SYNRG: variants seen among roughly 807,000 people sequenced by gnomAD.
The protein encoded by SYNRG is AP1 gamma subunit binding protein 1.
In SYNRG, 37 loss-of-function variants were observed where a neutral mutation model predicts 130.9. That is an observed-to-expected ratio of 0.28 (90% confidence interval 0.22 to 0.37). The LOEUF (loss-of-function observed/expected upper bound fraction) is 0.37. Among genes scored for constraint, SYNRG ranks in the 10% least tolerant of loss-of-function variants. The pLI, the probability that SYNRG is intolerant of heterozygous loss-of-function variation, is 1.00. For synonymous variants in SYNRG, 539 were observed against 568.1 expected (o/e 0.95, Z 0.73); for missense variants, 1,338 against 1,588.9 (o/e 0.84, Z 2.68).
At chr17:37,567,715 T>G (rs951478037) in intron 11 of SYNRG, 1 of 152,198 alleles carries the variant, frequency 6.6e-6, no homozygotes, top group African/African-American at 2.4e-5. Flanking sequence ...ACAGTGTGTA[T>G]GCAGCAAAGT....
chr17:37,542,341 A>G lies in SYNRG; in HGVS notation c.2833T>C (p.Ser945Pro), dbSNP rs1010058199. 6.2e-7 allele frequency: 1 copy of G among 1,614,206 alleles called. No individual in the cohort carries two copies. The highest frequency in any genetic ancestry group is 8.5e-7 in the Non-Finnish European group (1 of 1,180,042). ...SSENITMTSL[S>P]KVTTFVSEDA... is the part of the protein sequence containing the mutation. ...TCACTTACAAAGGTCGTTACTTTGGAGAGAGATGTCATGGTGATGTTTTCA... is the reference window on the plus strand; with the variant it reads ...TCACTTACAAAGGTCGTTACTTTGGGGAGAGATGTCATGGTGATGTTTTCA... Residue 945 changes from serine to proline, a missense_variant, in exon 15 of 22, where the codon TCC becomes CCC. By Grantham distance (74) the Ser-to-Pro change is moderately conservative. Transcript: ENST00000612223.
chr17:37,520,952 GGCACAAGGGAGC>G (rs2054951521), intron 19 of SYNRG, among the ~76,000 whole-genome samples: 1 of 152,162 alleles, frequency 6.6e-6, no homozygotes, highest in South Asian at 2.1e-4. Context: ...TGAGTGCCAG[GGCACAAGGGAGC>G]GGCACTTAGC....
chr17:37,576,517 A>C, intron 7 of SYNRG, 99 bp from the exon 8 acceptor site: 1 of 1,091,650 alleles, frequency 9.2e-7, no homozygotes. Flanking sequence ...GGCTGGAGAC[A>C]CTAAAAAAAG....
At chr17:37,607,152 C>T (rs367769383) in intron 1 of SYNRG, among the ~76,000 whole-genome samples, 14 of 152,040 alleles carry the variant, frequency 9.2e-5, no homozygotes, top group African/African-American at 3.4e-4. Flanking sequence ...TCCTGTATAT[C>T]GTTTACAGTT....
chr17:37,562,480 C>T (rs1417205821), intron 11 of SYNRG, among the ~76,000 whole-genome samples: 7 of 152,164 alleles, frequency 4.6e-5, no homozygotes, highest in Admixed American at 4.6e-4. Context: ...CATTCCACCA[C>T]TAGTTTGTGT....
At chr17:37,581,867 A>C (rs2061369191) in intron 6 of SYNRG, among the ~76,000 whole-genome samples, 1 of 150,146 alleles carries the variant, frequency 6.7e-6, no homozygotes, top group Admixed American at 6.7e-5. Flanking sequence ...TGGGTTCAAG[A>C]GATTCTCCTG....
intron 14 of SYNRG, among the ~76,000 whole-genome samples, 164 bp downstream of exon 14, chr17:37,552,938 TCAAGTATCCATAG>T (rs371299661): frequency 5.3e-5 from 8 of 152,334 alleles, no homozygotes; most frequent in African/African-American, 1.9e-4. Context: ...AGTATCCATA[TCAAGTATCCATAG>T]AATCAAATTT....
chr17:37,527,601 CA>C (rs2056097188), intron 19 of SYNRG, among the ~76,000 whole-genome samples: 1 of 152,082 alleles, frequency 6.6e-6, no homozygotes, highest in African/African-American at 2.4e-5. Flanking sequence ...TAGAAAAAAA[CA>C]AAAATGATAC....
chr17:37,608,118 G>C (rs758118279), intron 1 of SYNRG, among the ~76,000 whole-genome samples: 1 of 152,020 alleles, frequency 6.6e-6, no homozygotes, highest in Non-Finnish European at 1.5e-5. Flanking sequence ...AAAAGAGAAA[G>C]CAAAAAGTTT....
chr17:37,552,356 TA>T (rs2058773570), intron 14 of SYNRG, among the ~76,000 whole-genome samples: 1 of 151,762 alleles, frequency 6.6e-6, no homozygotes, highest in South Asian at 2.1e-4. Context: ...AACTAGAGAG[TA>T]AATTGCTACA....
Position 37,570,733 on chromosome 17 carries a change from A to G in SYNRG, c.1251T>C (p.Leu417=), listed in dbSNP as rs890248807. 9.3e-6 allele frequency: 15 copies of G among 1,614,120 alleles called. No homozygotes were observed. The highest frequency in any genetic ancestry group is 1.3e-5 in the African/African-American group (1 of 74,938). ...GGTTAATGCCCATGACTGGCTGTCC[A>G]AGGCTGAGGGGCATGGAGCCCGCAG... ...SGPAGSMPLS[L]GQPVMGINLV... The change falls in exon 10 of 22, where the codon CTT becomes CTC. Residue 417 remains leucine, a synonymous_variant. Coordinates refer to ENST00000612223, the MANE Select transcript of SYNRG (RefSeq NM_007247.6).
rs2054561218 is a variant in SYNRG at position 37,518,046 on chromosome 17, T to G, written c.*894A>C. 2 of 152,242 alleles carry G rather than the reference T, an allele frequency of 1.3e-5. No homozygotes were observed. The highest frequency in any genetic ancestry group is 6.5e-5 in the Admixed American group (1 of 15,288). 9.4% of individuals were successfully genotyped at this position (152,242 alleles called of 1,614,324 possible). On this transcript the variant is annotated 3_prime_UTR_variant, in exon 22 of 22. Coordinates refer to ENST00000612223, the MANE Select transcript of SYNRG (RefSeq NM_007247.6). ...CACCCTGAATTAATTTTCAGGTTTTTCTCACAGATACTGCAAAGTCAGGCA... is the reference window on the plus strand; with the variant it reads ...CACCCTGAATTAATTTTCAGGTTTTGCTCACAGATACTGCAAAGTCAGGCA...
chr17:37,545,229 AAAT>A (rs1195491418), intron 14 of SYNRG, among the ~76,000 whole-genome samples: 34 of 151,314 alleles, frequency 2.2e-4, no homozygotes, highest in Non-Finnish European at 2.9e-4. Context: ...CAAAAAAAAA[AAAT>A]AATAATAATA....
chr17:37,579,853 G>A (rs2061148892), intron 6 of SYNRG, among the ~76,000 whole-genome samples: 1 of 152,060 alleles, frequency 6.6e-6, no homozygotes, highest in South Asian at 2.1e-4. Context: ...TAGGAATATA[G>A]GCACATGCCA....
At chr17:37,585,229 G>C in intron 5 of SYNRG, 96 bp downstream of exon 5, 1 of 920,002 alleles carries the variant, frequency 1.1e-6, no homozygotes, top group Non-Finnish European at 1.7e-6. Flanking sequence ...GCCTCAGCTT[G>C]GGCTGGTGCC....
chr17:37,526,095 T>C (rs2055877350), intron 19 of SYNRG, among the ~76,000 whole-genome samples: 1 of 151,780 alleles, frequency 6.6e-6, no homozygotes, highest in Non-Finnish European at 1.5e-5. Context: ...ATTGCACCAC[T>C]GCACTCCAGC....
intron 8 of SYNRG, among the ~76,000 whole-genome samples, chr17:37,572,345 T>G (rs566791014): frequency 2.9e-4 from 44 of 151,896 alleles, no homozygotes; most frequent in Non-Finnish European, 5.4e-4. Flanking sequence ...GAGAATCACT[T>G]GAACCCCGAG....
chr17:37,536,004 C>T lies in SYNRG; in HGVS notation c.3641G>A (p.Gly1214Asp). 3 of 1,613,938 alleles carry T rather than the reference C, an allele frequency of 1.9e-6. No homozygotes were observed. The Middle Eastern group carries it at 4.9e-4, about 266-fold the overall frequency. ...TGTGAGTGTGGCGAGTGACATGAAGCCGATTAGGTTATTCCATACTTTATC... is the reference window on the plus strand; with the variant it reads ...TGTGAGTGTGGCGAGTGACATGAAGTCGATTAGGTTATTCCATACTTTATC... ...DIDKVWNNLI[G>D]FMSLATLTPD... The change falls in exon 19 of 22, where the codon GGC becomes GAC. Residue 1214 changes from glycine to aspartate, a missense_variant. Coordinates refer to ENST00000612223, the MANE Select transcript of SYNRG (RefSeq NM_007247.6).
intron 8 of SYNRG, among the ~76,000 whole-genome samples, chr17:37,573,275 C>T (rs1368819181): frequency 2.0e-5 from 3 of 151,884 alleles, no homozygotes; most frequent in African/African-American, 2.4e-5. Context: ...TGGTGGTGCA[C>T]GCCTGTAGCC....
Sources: gnomAD v4.1 joint callset for allele counts (sites outside exome capture counted in the v4.1 genomes callset) on GRCh38, gnomAD v4.1.1 for gene constraint, MANE v1.5 for transcripts, NCBI Gene and HGNC (gene_info 2026-07-23, HGNC 2026-07-21) for gene names.